Variants in ERC1 observed in about 807,000 individuals in gnomAD.
The protein encoded by ERC1 is RAB6 interacting protein 2.
ERC1 carries 56 observed loss-of-function variants against 132.0 expected under a neutral mutation model. That is an observed-to-expected ratio of 0.42 (90% CI 0.34 to 0.53). The LOEUF is 0.53. Among genes scored for constraint, ERC1 ranks in the 20% least tolerant of loss-of-function variants. The pLI is 0.03. For missense variants in ERC1, 1,202 were observed against 1,349.9 expected, an observed-to-expected ratio of 0.89 and a Z score of 1.72; for synonymous variants, 478 against 476.1, an observed-to-expected ratio of 1.00 and a Z score of -0.05.
intron 18 of ERC1, among the ~76,000 whole-genome samples, chr12:1,484,612 C>G (rs2094169968): frequency 7.2e-6 from 1 of 138,578 alleles, no homozygotes; most frequent in African/African-American, 2.9e-5. Context: ...TGGAGTCTTG[C>G]TCTCGCCCAG....
intron 2 of ERC1, among the ~76,000 whole-genome samples, chr12:1,070,572 C>T (rs1940159625): frequency 6.6e-6 from 1 of 152,134 alleles, no homozygotes; most frequent in African/African-American, 2.4e-5. Flanking sequence ...AGGTGTGAGC[C>T]ACTGTGCCTG....
chr12:1,103,203 T>A (rs1181265124), intron 3 of ERC1, among the ~76,000 whole-genome samples: 2 of 152,168 alleles, frequency 1.3e-5, no homozygotes, highest in Admixed American at 1.3e-4. Flanking sequence ...AGAAGTGAAG[T>A]CTTCCCCTAG....
intron 15 of ERC1, among the ~76,000 whole-genome samples, chr12:1,354,253 G>A (rs1425398499): frequency 6.6e-6 from 1 of 152,100 alleles, no homozygotes; most frequent in African/African-American, 2.4e-5. Flanking sequence ...GCCAGGTGTG[G>A]TGGCTCATGC....
chr12:1,002,471 G>A (rs1962583657), intron 1 of ERC1, among the ~76,000 whole-genome samples: 1 of 151,922 alleles, frequency 6.6e-6, no homozygotes, highest in African/African-American at 2.4e-5. Context: ...ACAGGTGTGA[G>A]CCACTGCACC....
At chr12:1,400,459 T>G (rs779945476) in intron 16 of ERC1, among the ~76,000 whole-genome samples, 3 of 152,214 alleles carry the variant, frequency 2.0e-5, no homozygotes, top group Admixed American at 1.3e-4. Flanking sequence ...TTTGCCGCTT[T>G]CGCTCTTTGG....
chr12:1,020,193 A>G (rs1966132149), intron 1 of ERC1, among the ~76,000 whole-genome samples: 1 of 152,214 alleles, frequency 6.6e-6, no homozygotes, highest in Non-Finnish European at 1.5e-5. Flanking sequence ...ACAGTGGCTC[A>G]TGCTTGTAAC....
At chr12:1,184,434 T>C (rs1199148706) in intron 11 of ERC1, among the ~76,000 whole-genome samples, 4 of 152,198 alleles carry the variant, frequency 2.6e-5, no homozygotes, top group Non-Finnish European at 5.9e-5. Context: ...TGTGTAGATT[T>C]ACATGAAGGA....
At chr12:1,237,387 C>G (rs1283713864) in intron 13 of ERC1, among the ~76,000 whole-genome samples, 1 of 152,048 alleles carries the variant, frequency 6.6e-6, no homozygotes, top group Non-Finnish European at 1.5e-5. Flanking sequence ...TACAGTCATA[C>G]AGAATGTGAC....
chr12:1,468,046 G>A lies in ERC1; in HGVS notation c.3214-22047G>A, dbSNP rs114599295. Among the ~76,000 whole-genome samples the A allele has an allele frequency of 5.6e-3, 854 of 152,256 alleles. 9 individuals are homozygous for A. The highest frequency in any genetic ancestry group is 0.019 in the African/African-American group (787 of 41,542). On this transcript the variant is annotated intron_variant, in intron 18 of 18. Transcript: ENST00000360905. ...CCTAACAGGGCCTGGACCAGTACAC[G>A]GACCCAGTACTGGGAGTTGGAGACT...
At chr12:1,473,274 A>G (rs1428050624) in intron 18 of ERC1, among the ~76,000 whole-genome samples, 2 of 151,934 alleles carry the variant, frequency 1.3e-5, no homozygotes, top group Non-Finnish European at 2.9e-5. Context: ...TGATCCACCC[A>G]CCTTGGCCTC....
chr12:1,342,308 A>C (rs1175666464), intron 15 of ERC1, among the ~76,000 whole-genome samples: 3 of 151,964 alleles, frequency 2.0e-5, no homozygotes, highest in Non-Finnish European at 4.4e-5. Flanking sequence ...CTACTAAAAA[A>C]ATACAAAAAT....
intron 17 of ERC1, among the ~76,000 whole-genome samples, chr12:1,411,164 A>G (rs1369746597): frequency 6.6e-6 from 1 of 152,158 alleles, no homozygotes; most frequent in Non-Finnish European, 1.5e-5. Flanking sequence ...TCTCCTTTTC[A>G]GGACAATTGG....
intron 8 of ERC1, among the ~76,000 whole-genome samples, chr12:1,159,410 G>A (rs1195650499): frequency 1.3e-5 from 2 of 152,102 alleles, no homozygotes; most frequent in South Asian, 4.2e-4. Context: ...ACAGGAGGTG[G>A]AGCTCAGGTG....
chr12:1,327,344 A>G (rs1037548705), intron 15 of ERC1, among the ~76,000 whole-genome samples: 5 of 152,206 alleles, frequency 3.3e-5, no homozygotes, highest in Non-Finnish European at 5.9e-5. Flanking sequence ...CAAAATATAC[A>G]TATATTTACA....
chr12:1,421,751 C>T (rs1241042413), intron 17 of ERC1, among the ~76,000 whole-genome samples: 1 of 152,008 alleles, frequency 6.6e-6, no homozygotes, highest in Non-Finnish European at 1.5e-5. Flanking sequence ...CGCACAGTGG[C>T]TCACGCCTGT....
chr12:1,044,388 G>C (rs576977293), intron 2 of ERC1, among the ~76,000 whole-genome samples: 38 of 152,270 alleles, frequency 2.5e-4, no homozygotes, highest in African/African-American at 8.7e-4. Flanking sequence ...AGTGCTTCTG[G>C]GAAGGAGAAA....
At chr12:1,332,977 G>C (rs1041893197) in intron 15 of ERC1, among the ~76,000 whole-genome samples, 1 of 151,644 alleles carries the variant, frequency 6.6e-6, no homozygotes, top group Non-Finnish European at 1.5e-5. Flanking sequence ...TTATTTCCTC[G>C]CCCGGGTATT....
chr12:1,292,174 A>T (rs2079499518), intron 15 of ERC1, among the ~76,000 whole-genome samples: 1 of 152,118 alleles, frequency 6.6e-6, no homozygotes, highest in African/African-American at 2.4e-5. Context: ...ATTCAGAATA[A>T]ATTTTACAAG....
intron 17 of ERC1, among the ~76,000 whole-genome samples, chr12:1,409,453 GA>G (rs2091713381): frequency 6.6e-6 from 1 of 152,158 alleles, no homozygotes; most frequent in Non-Finnish European, 1.5e-5. Flanking sequence ...AAGGTTGAAG[GA>G]AAAGCAAAAC....
Sources: allele counts gnomAD v4.1 joint callset (sites outside exome capture counted in the v4.1 genomes callset), GRCh38; gene constraint gnomAD v4.1.1; transcripts MANE v1.5; gene names NCBI Gene and HGNC (gene_info 2026-07-23, HGNC 2026-07-21).